Variants in SULT4A1 observed in about 807,000 individuals in gnomAD.
The protein encoded by SULT4A1 is sulfotransferase family 4A member 1.
A neutral mutation model predicts 35.2 loss-of-function variants in SULT4A1; 11 were observed. That is an observed-to-expected ratio of 0.31 (90% confidence interval 0.20 to 0.52). The LOEUF is 0.52. Ranked by LOEUF, SULT4A1 falls within the 20% of genes least tolerant of loss-of-function variation. SULT4A1 has a pLI of 0.97. For missense variants in SULT4A1, 271 were observed against 383.7 expected (o/e 0.71, Z 2.45); for synonymous variants, 152 against 151.8 (o/e 1.00, Z -0.01).
chr22:43,846,894 C>G (rs1483840387), intron 1 of SULT4A1, among the ~76,000 whole-genome samples: 1 of 152,194 alleles, frequency 6.6e-6, no homozygotes, highest in Non-Finnish European at 1.5e-5. Context: ...TTTTCACGTT[C>G]CCCACCCGTG....
At chr22:43,847,474 T>C (rs1473044303) in intron 1 of SULT4A1, among the ~76,000 whole-genome samples, 2 of 152,234 alleles carry the variant, frequency 1.3e-5, no homozygotes, top group African/African-American at 4.8e-5. Flanking sequence ...GGTGGTGCCC[T>C]TGGGCATGGG....
chr22:43,837,461 G>A (rs888458872), intron 4 of SULT4A1, among the ~76,000 whole-genome samples: 1 of 152,224 alleles, frequency 6.6e-6, no homozygotes, highest in Non-Finnish European at 1.5e-5. Flanking sequence ...AAGTCCATGA[G>A]TGGGTTGCTC....
chr22:43,826,058 G>C lies in SULT4A1; in HGVS notation c.798C>G (p.Asp266Glu), dbSNP rs1289593688. ...IFTVSMNEKF[D>E]LVYKQKMGKC... ...TTCCCATCTTCTGTTTATACACCAA[G>C]TCAAACTTCTCATTCATGGAGACGG... Residue 266 changes from aspartate to glutamate, a missense_variant, in exon 7 of 7, where the codon GAC (aspartate) becomes GAG (glutamate). By Grantham distance (45) the Asp-to-Glu change is conservative. This residue lies in a region of SULT4A1 where 32 missense variants were observed against 61.9 expected (regional missense o/e 0.52). Coordinates refer to ENST00000330884, the MANE Select transcript of SULT4A1 (RefSeq NM_014351.4). The C allele has an allele frequency of 6.2e-7, 1 of 1,614,196 alleles. No individual in the cohort carries two copies.
Position 43,833,627 on chromosome 22 carries a change from C to T in SULT4A1, c.603+13G>A, listed in dbSNP as rs376756241. ...CAGGGCACCCGGAGGACAGCTGCTC[C>T]GGCAGCACTCACCCGATGCATGTCT... On this transcript the variant is annotated intron_variant, in intron 5 of 6. Transcript: ENST00000330884. The T allele has an allele frequency of 1.5e-5, 24 of 1,585,792 alleles. No individual in the cohort carries two copies. The highest frequency in any genetic ancestry group is 1.7e-4 in the Middle Eastern group (1 of 6,034).
At chr22:43,839,802 A>G in intron 3 of SULT4A1, 143 bp downstream of exon 3, 1 of 778,720 alleles carries the variant, frequency 1.3e-6, no homozygotes, top group Non-Finnish European at 2.2e-6. Flanking sequence ...ACCACCTCAG[A>G]AGGGATCTTC....
In SULT4A1 at chr22:43,825,794, A is replaced by G. The variant is rs989831467; in HGVS notation, c.*207T>C. On this transcript the variant is annotated 3_prime_UTR_variant, in exon 7 of 7. Coordinates refer to ENST00000330884, the MANE Select transcript of SULT4A1 (RefSeq NM_014351.4). ...ATGTGGAGACTGTTTGTAATCAGAC[A>G]TGGAGAGGCTGCACGTTCTAAAGGC... The G allele has an allele frequency of 1.8e-6, 1 of 554,354 alleles. No homozygotes were observed. The highest frequency in any genetic ancestry group is 3.2e-6 in the Non-Finnish European group (1 of 311,638). The allele number at this position is 554,354 out of a possible 1,614,324, so 34.3% of individuals were successfully genotyped here. A position where few individuals can be genotyped will look rare whatever the true frequency, so the allele number is the denominator to read the frequency against.
chr22:43,828,386 C>G (rs899374102), intron 6 of SULT4A1, among the ~76,000 whole-genome samples: 7 of 152,248 alleles, frequency 4.6e-5, no homozygotes, highest in African/African-American at 1.7e-4. Context: ...CCAGGTGGAT[C>G]TGGGGAGGAT....
chr22:43,850,842 T>C (rs2063505898), intron 1 of SULT4A1, among the ~76,000 whole-genome samples: 1 of 151,936 alleles, frequency 6.6e-6, no homozygotes, highest in Non-Finnish European at 1.5e-5. Flanking sequence ...CATCCTGTCT[T>C]CTCACTGCCG....
rs2063342040 is a variant in SULT4A1, at chr22:43,833,706, C to G, written c.537G>C (p.Val179=). ...CCATGCGGTGCTCCCAGAACTCCTG[C>G]ACGTGCTCAAACCAGGAGCCGTAGC... ...KLGYGSWFEH[V]QEFWEHRMDS... Residue 179 remains valine (V), a synonymous_variant, in exon 5 of 7, where the codon GTG becomes GTC. Coordinates refer to ENST00000330884, the MANE Select transcript of SULT4A1 (RefSeq NM_014351.4). The G allele has an allele frequency of 6.3e-7, 1 of 1,580,110 alleles. No homozygotes were observed. Among genetic ancestry groups the G allele is most frequent in the Non-Finnish European group, 8.6e-7 (1 of 1,162,466 alleles).
rs1189692528 is a variant in SULT4A1 at position 43,825,732 on chromosome 22, AG to A, written c.*268del. 1 of 308,976 alleles carries A rather than the reference AG, an allele frequency of 3.2e-6. No individual in the cohort carries two copies. Among genetic ancestry groups the A allele is most frequent in the African/African-American group, 2.2e-5 (1 of 45,822 alleles). The allele number at this position is 308,976 out of a possible 1,614,324, so 19.1% of individuals were successfully genotyped here. A position where few individuals can be genotyped will look rare whatever the true frequency, so the allele number is the denominator to read the frequency against. On this transcript the variant is annotated 3_prime_UTR_variant, in exon 7 of 7. Transcript: ENST00000330884. ...CAGACATTCTAGTTGCATATATTAC[AG>A]GCTTTATCCTTACGGTCCAGGCCAT...
rs773296422 is a variant in SULT4A1 at position 43,862,417 on chromosome 22, G to A, written c.-35C>T. ...GTCGCCGTCGCCGCCGCCGCCTCCC[G>A]GCTCGCAGCCCGCACGCGCCCGCGC... On this transcript the variant is annotated 5_prime_UTR_variant, in exon 1 of 7. Transcript: ENST00000330884. The A allele has an allele frequency of 1.8e-6, 2 of 1,105,774 alleles. No homozygotes were observed. Among genetic ancestry groups the A allele is most frequent in the South Asian group, 3.2e-5 (1 of 30,818 alleles). 68.5% of individuals were successfully genotyped at this position (1,105,774 alleles called of 1,614,324 possible).
chr22:43,829,187 C>G lies in SULT4A1; in HGVS notation c.615G>C (p.Thr205=). 6.4e-7 allele frequency: 1 copy of G among 1,563,608 alleles called. No individual in the cohort carries two copies. The highest frequency in any genetic ancestry group is 2.4e-5 in the East Asian group (1 of 41,442). ...GGAATCTGGCCAGCTGCTCCACCAT[C>G]GTCACCAGGTCCTGGAAGACAAGTG... The part of the protein sequence containing the change: ...KYEDMHRDLV[T]MVEQLARFLG... Residue 205 remains threonine, a synonymous_variant, in exon 6 of 7, where the codon ACG becomes ACC. Transcript: ENST00000330884.
chr22:43,855,205 G>C (rs1209814549), intron 1 of SULT4A1, among the ~76,000 whole-genome samples: 2 of 152,194 alleles, frequency 1.3e-5, no homozygotes, highest in East Asian at 3.9e-4. Flanking sequence ...GGCAGCGCAG[G>C]GAGATGCCAC....
At chr22:43,839,290 G>A (rs909631351) in intron 3 of SULT4A1, among the ~76,000 whole-genome samples, 2 of 152,238 alleles carry the variant, frequency 1.3e-5, no homozygotes, top group African/African-American at 2.4e-5. Flanking sequence ...CCCTGATCCT[G>A]GTGGTAAGAA....
chr22:43,839,806 G>T, intron 3 of SULT4A1, 139 bp downstream of exon 3: 1 of 790,520 alleles, frequency 1.3e-6, no homozygotes, highest in Non-Finnish European at 2.1e-6. Flanking sequence ...CCTCAGAAGG[G>T]ATCTTCACGT....
chr22:43,829,079 C>T lies in SULT4A1; in HGVS notation c.723G>A (p.Glu241=). 6.5e-7 allele frequency: 1 copy of T among 1,542,664 alleles called. No individual in the cohort carries two copies. Among genetic ancestry groups the T allele is most frequent in the Non-Finnish European group, 8.8e-7 (1 of 1,141,526 alleles). ...HQLVDQCCNA[E]ALPVGRGRVG... ...ACGTACCCCGGCCCACGGGCAGGGC[C>T]TCAGCGTTGCAGCACTGGTCCACCA... The change falls in exon 6 of 7, where the codon GAG becomes GAA. Residue 241 remains glutamate (E), a synonymous_variant. Coordinates refer to ENST00000330884, the MANE Select transcript of SULT4A1 (RefSeq NM_014351.4).
intron 5 of SULT4A1, among the ~76,000 whole-genome samples, chr22:43,832,488 T>C (rs1258013263): frequency 6.6e-6 from 1 of 152,110 alleles, no homozygotes; most frequent in Non-Finnish European, 1.5e-5. Context: ...ACCTGGCCCG[T>C]GCTGACCACA....
At chr22:43,855,144 T>G in intron 1 of SULT4A1, among the ~76,000 whole-genome samples, 1 of 152,054 alleles carries the variant, frequency 6.6e-6, no homozygotes, top group East Asian at 1.9e-4. Flanking sequence ...CTGACCCCAC[T>G]CATGACCCCG....
chr22:43,825,874 T>A lies in SULT4A1; in HGVS notation c.*127A>T. On this transcript the variant is annotated 3_prime_UTR_variant, in exon 7 of 7. Transcript: ENST00000330884. ...ACACTCCCTCCGCTCACGCCGCTCT[T>A]CCCTTCCCCCGCTGTTTCACACGCT... 1 of 950,274 alleles carries A rather than the reference T, an allele frequency of 1.1e-6. No homozygotes were observed. The highest frequency in any genetic ancestry group is 2.6e-5 in the East Asian group (1 of 39,004). 58.9% of individuals were successfully genotyped at this position (950,274 alleles called of 1,614,324 possible). A position where few individuals can be genotyped will look rare whatever the true frequency, so the allele number is the denominator to read the frequency against.
Sources: allele counts gnomAD v4.1 joint callset (sites outside exome capture counted in the v4.1 genomes callset), GRCh38; gene constraint gnomAD v4.1.1; regional missense constraint gnomAD v4.1.1; transcripts MANE v1.5; gene names NCBI Gene and HGNC (gene_info 2026-07-23, HGNC 2026-07-21).